Variants in PNMA8B observed in about 807,000 individuals in gnomAD.
The protein encoded by PNMA8B is paraneoplastic antigen-like protein 8B.
For synonymous variants in PNMA8B, 386 were observed against 394.9 expected, an observed-to-expected ratio of 0.98 and a Z score of 0.27; for missense variants, 887 against 885.8, an observed-to-expected ratio of 1.00 and a Z score of -0.02.
In PNMA8B at chr19:46,492,062, C is replaced by A; in HGVS notation, c.*1496G>T. On this transcript the variant is annotated 3_prime_UTR_variant, in exon 1 of 1. Coordinates refer to ENST00000599531, the MANE Select transcript of PNMA8B (RefSeq NM_020709.3). ...AGCAGAGGGGAGCACCCACGCCCTGCAGCAGGTCTCAGTCAGCTTCTACAT... is the reference window on the plus strand; with the variant it reads ...AGCAGAGGGGAGCACCCACGCCCTGAAGCAGGTCTCAGTCAGCTTCTACAT... The A allele has an allele frequency of 2.9e-6, 1 of 344,392 alleles. No individual in the cohort carries two copies. The highest frequency in any genetic ancestry group is 6.1e-6 in the Non-Finnish European group (1 of 164,102). The allele number at this position is 344,392 out of a possible 1,614,324, so 21.3% of individuals were successfully genotyped here. A position where few individuals can be genotyped will look rare whatever the true frequency, so the allele number is the denominator to read the frequency against.
At position 46,493,503 on chromosome 19, in the gene PNMA8B, C is replaced by G. The variant is rs1438865940; in HGVS notation, c.*55G>C. ...GGGAGGGGAGGGCGGGGGCCACAGG[C>G]GGGCGGGTGCCCTGCGGGGCCTGCT... On this transcript the variant is annotated 3_prime_UTR_variant, in exon 1 of 1. Coordinates refer to ENST00000599531, the MANE Select transcript of PNMA8B (RefSeq NM_020709.3). The surrounding 1 kb of genome is among the most constrained non-coding windows in gnomAD (Gnocchi z 5.3). 9.4e-7 allele frequency: 1 copy of G among 1,060,064 alleles called. No individual in the cohort carries two copies. Among genetic ancestry groups the G allele is most frequent in the Non-Finnish European group, 1.2e-6 (1 of 846,150 alleles). The allele number at this position is 1,060,064 out of a possible 1,614,324, so 65.7% of individuals were successfully genotyped here. A position where few individuals can be genotyped will look rare whatever the true frequency, so the allele number is the denominator to read the frequency against.
rs1970059932 is a variant in PNMA8B at position 46,494,470 on chromosome 19, G to T, written c.996C>A (p.Phe332Leu). 2 of 1,614,026 alleles carry T rather than the reference G, an allele frequency of 1.2e-6. No individual in the cohort carries two copies. The highest frequency in any genetic ancestry group is 1.7e-6 in the Non-Finnish European group (2 of 1,179,908). Residue 332 changes from phenylalanine (F) to leucine (L), a missense_variant, in exon 1 of 1, where the codon TTC becomes TTA. Transcript: ENST00000599531. ...QETEELDNPE[F>L]VAIVAYTDPS... ...GGTCGGTATAGGCCACAATGGCCAC[G>T]AACTCAGGATTATCCAACTCCTCTG...
rs929309386 is a variant in PNMA8B at position 46,492,358 on chromosome 19, C to T, written c.*1200G>A. On this transcript the variant is annotated 3_prime_UTR_variant, in exon 1 of 1. Coordinates refer to ENST00000599531, the MANE Select transcript of PNMA8B (RefSeq NM_020709.3). The stretch of plus-strand genomic sequence containing the variant: ...AGGAGCTGAAGCATACGGCACGGCA[C>T]GGCACAGACTCACATACAACTCAAG... The T allele has an allele frequency of 1.5e-5, 4 of 268,468 alleles. No individual in the cohort carries two copies. Among genetic ancestry groups the T allele is most frequent in the South Asian group, 6.1e-5 (2 of 32,892 alleles). The allele number at this position is 268,468 out of a possible 1,614,324, so 16.6% of individuals were successfully genotyped here. A position where few individuals can be genotyped will look rare whatever the true frequency, so the allele number is the denominator to read the frequency against.
rs1034378365 is a variant in PNMA8B at position 46,493,406 on chromosome 19, C to T, written c.*152G>A. ...GGCCTGCGAGGGCCCGAGAGGGGAACGTGACGCTGGCAAAACGCGGCCCGG... is the reference window on the plus strand; with the variant it reads ...GGCCTGCGAGGGCCCGAGAGGGGAATGTGACGCTGGCAAAACGCGGCCCGG... On this transcript the variant is annotated 3_prime_UTR_variant, in exon 1 of 1. Transcript: ENST00000599531. The surrounding 1 kb of genome is among the most constrained non-coding windows in gnomAD (Gnocchi z 5.3). 2.2e-6 allele frequency: 1 copy of T among 463,608 alleles called. No individual in the cohort carries two copies. Among genetic ancestry groups the T allele is most frequent in the African/African-American group, 2.1e-5 (1 of 48,612 alleles). 28.7% of individuals were successfully genotyped at this position (463,608 alleles called of 1,614,324 possible). A position where few individuals can be genotyped will look rare whatever the true frequency, so the allele number is the denominator to read the frequency against.
rs1010238771 is a variant in PNMA8B at position 46,493,381 on chromosome 19, G to A, written c.*177C>T. On this transcript the variant is annotated 3_prime_UTR_variant, in exon 1 of 1. Coordinates refer to ENST00000599531, the MANE Select transcript of PNMA8B (RefSeq NM_020709.3). The surrounding 1 kb of genome is among the most constrained non-coding windows in gnomAD (Gnocchi z 5.3). ...CTCCGTCGGGATCGCTGGCGCCCCCGGCCTGCGAGGGCCCGAGAGGGGAAC... is the reference window on the plus strand; with the variant it reads ...CTCCGTCGGGATCGCTGGCGCCCCCAGCCTGCGAGGGCCCGAGAGGGGAAC... The A allele has an allele frequency of 2.4e-6, 1 of 422,324 alleles. No individual in the cohort carries two copies. Among genetic ancestry groups the A allele is most frequent in the Admixed American group, 4.4e-5 (1 of 22,634 alleles). The allele number at this position is 422,324 out of a possible 1,614,324, so 26.2% of individuals were successfully genotyped here. A position where few individuals can be genotyped will look rare whatever the true frequency, so the allele number is the denominator to read the frequency against.
At position 46,492,346 on chromosome 19, in the gene PNMA8B, T is replaced by TACGGC. The variant is rs969748365; in HGVS notation, c.*1207_*1211dup. On this transcript the variant is annotated 3_prime_UTR_variant, in exon 1 of 1. Transcript: ENST00000599531. ...AGCCGGGGTTGCAGGAGCTGAAGCA[T>TACGGC]ACGGCACGGCACGGCACAGACTCAC... 16 of 281,660 alleles carry TACGGC rather than the reference T, an allele frequency of 5.7e-5. No homozygotes were observed. Among genetic ancestry groups the TACGGC allele is most frequent in the Non-Finnish European group, 5.2e-5 (7 of 135,520 alleles). 17.4% of individuals were successfully genotyped at this position (281,660 alleles called of 1,614,324 possible).
Position 46,492,192 on chromosome 19 carries a change from C to A in PNMA8B, c.*1366G>T. ...GGACAAGTGGGGCAGGGCCCCCTGG[C>A]ACGATGGGCTCCTCACTGCCAGGGA... On this transcript the variant is annotated 3_prime_UTR_variant, in exon 1 of 1. Transcript: ENST00000599531. The A allele has an allele frequency of 2.4e-6, 1 of 409,302 alleles. No homozygotes were observed. 25.4% of individuals were successfully genotyped at this position (409,302 alleles called of 1,614,324 possible). A position where few individuals can be genotyped will look rare whatever the true frequency, so the allele number is the denominator to read the frequency against.
In PNMA8B at chr19:46,494,178, C is replaced by G. The variant is rs779093120; in HGVS notation, c.1288G>C (p.Ala430Pro). ...QPDLPPQAKK[A>P]GRGLFGGWSE... ...CAGCCCCCGAAGAGGCCACGCCCAG[C>G]CTTCTTCGCCTGGGGAGGGAGATCC... The change falls in exon 1 of 1, where the codon GCT becomes CCT. Residue 430 changes from alanine to proline, a missense_variant. Ala to Pro is a conservative substitution (Grantham distance 27). Coordinates refer to ENST00000599531, the MANE Select transcript of PNMA8B (RefSeq NM_020709.3). 6.2e-7 allele frequency: 1 copy of G among 1,609,930 alleles called. No individual in the cohort carries two copies. The highest frequency in any genetic ancestry group is 1.1e-5 in the South Asian group (1 of 91,088).
rs1406584527 is a variant in PNMA8B, at chr19:46,495,660, G to A, written c.-195C>T. 9.0e-6 allele frequency: 6 copies of A among 663,398 alleles called. No homozygotes were observed. The African/African-American group carries it at 9.1e-5, about 10-fold the overall frequency. 41.1% of individuals were successfully genotyped at this position (663,398 alleles called of 1,614,324 possible). On this transcript the variant is annotated 5_prime_UTR_variant, in exon 1 of 1. Transcript: ENST00000599531. ...TGCCTGCTGGCCGGCTGGACGCAGTGACCTTCCCCCGGGACCCCTCTCCAG... is the reference window on the plus strand; with the variant it reads ...TGCCTGCTGGCCGGCTGGACGCAGTAACCTTCCCCCGGGACCCCTCTCCAG...
rs1430912117 is a variant in PNMA8B at position 46,495,704 on chromosome 19, G to A, written c.-239C>T. On this transcript the variant is annotated 5_prime_UTR_variant, in exon 1 of 1. Coordinates refer to ENST00000599531, the MANE Select transcript of PNMA8B (RefSeq NM_020709.3). ...TCTCCAGAGCTGTCTGAGGATCCGCGGGGGGCTTACGTGTCTGCTTTCCAG... is the reference window on the plus strand; with the variant it reads ...TCTCCAGAGCTGTCTGAGGATCCGCAGGGGGCTTACGTGTCTGCTTTCCAG... The A allele has an allele frequency of 4.2e-5, 23 of 541,528 alleles. No individual in the cohort carries two copies. The highest frequency in any genetic ancestry group is 1.0e-5 in the Non-Finnish European group (3 of 296,064). The allele number at this position is 541,528 out of a possible 1,614,324, so 33.5% of individuals were successfully genotyped here. A position where few individuals can be genotyped will look rare whatever the true frequency, so the allele number is the denominator to read the frequency against.
rs1178941998 is a variant in PNMA8B, at chr19:46,492,159, C to G, written c.*1399G>C. Reference sequence around the variant, plus strand: ...AGGTCACACCCAAACCCTCCTATTCCTTCCCAGGGACAAGTGGGGCAGGGC... The same window carrying G: ...AGGTCACACCCAAACCCTCCTATTCGTTCCCAGGGACAAGTGGGGCAGGGC... On this transcript the variant is annotated 3_prime_UTR_variant, in exon 1 of 1. Coordinates refer to ENST00000599531, the MANE Select transcript of PNMA8B (RefSeq NM_020709.3). The G allele has an allele frequency of 2.3e-6, 1 of 441,220 alleles. No individual in the cohort carries two copies. Among genetic ancestry groups the G allele is most frequent in the Admixed American group, 2.4e-5 (1 of 41,234 alleles). The allele number at this position is 441,220 out of a possible 1,614,324, so 27.3% of individuals were successfully genotyped here.
At position 46,494,485 on chromosome 19, in the gene PNMA8B, C is replaced by A; in HGVS notation, c.981G>T (p.Leu327Phe). The A allele has an allele frequency of 6.2e-7, 1 of 1,614,072 alleles. No homozygotes were observed. The highest frequency in any genetic ancestry group is 8.5e-7 in the Non-Finnish European group (1 of 1,179,902). Residue 327 changes from leucine to phenylalanine, a missense_variant, in exon 1 of 1, where the codon TTG becomes TTT. Transcript: ENST00000599531. ...QESGDQETEELDNPEFVAIVA... is the reference protein window; with the variant it reads ...QESGDQETEEFDNPEFVAIVA... Reference sequence around the variant, plus strand: ...CAATGGCCACGAACTCAGGATTATCCAACTCCTCTGTTTCTTGGTCCCCAC... The same window carrying A: ...CAATGGCCACGAACTCAGGATTATCAAACTCCTCTGTTTCTTGGTCCCCAC...
rs1970033429 is a variant in PNMA8B, at chr19:46,493,390, G to C, written c.*168C>G. 2.3e-6 allele frequency: 1 copy of C among 432,790 alleles called. No homozygotes were observed. Among genetic ancestry groups the C allele is most frequent in the East Asian group, 3.6e-5 (1 of 28,078 alleles). 26.8% of individuals were successfully genotyped at this position (432,790 alleles called of 1,614,324 possible). On this transcript the variant is annotated 3_prime_UTR_variant, in exon 1 of 1. Transcript: ENST00000599531. The surrounding 1 kb of genome is among the most constrained non-coding windows in gnomAD (Gnocchi z 5.3). ...GATCGCTGGCGCCCCCGGCCTGCGA[G>C]GGCCCGAGAGGGGAACGTGACGCTG...
chr19:46,492,325 G>C lies in PNMA8B; in HGVS notation c.*1233C>G, dbSNP rs1412557338. 3.6e-6 allele frequency: 1 copy of C among 280,922 alleles called. No homozygotes were observed. The highest frequency in any genetic ancestry group is 2.2e-5 in the African/African-American group (1 of 44,780). The allele number at this position is 280,922 out of a possible 1,614,324, so 17.4% of individuals were successfully genotyped here. On this transcript the variant is annotated 3_prime_UTR_variant, in exon 1 of 1. Coordinates refer to ENST00000599531, the MANE Select transcript of PNMA8B (RefSeq NM_020709.3). ...ATTTAGGTAAAAATCGAGCTCAGCC[G>C]GGGTTGCAGGAGCTGAAGCATACGG...
In PNMA8B at chr19:46,493,850, C is replaced by G; in HGVS notation, c.1616G>C (p.Arg539Pro). Residue 539 changes from arginine to proline, a missense_variant, in exon 1 of 1, where the codon CGC becomes CCC. Physicochemically the swap from Arg to Pro is moderately radical, Grantham distance 103. Transcript: ENST00000599531. The surrounding 1 kb of genome is among the most constrained non-coding windows in gnomAD (Gnocchi z 5.3). The stretch of plus-strand genomic sequence containing the variant: ...CGGAGTCAGGCCCCTGGGGGCCGTG[C>G]GCGCCCTCTTGGCCCGGGGCTTCCT... ...ASRKPRAKRA[R>P]TAPRGLTPAG... 1 of 1,481,374 alleles carries G rather than the reference C, an allele frequency of 6.8e-7. No individual in the cohort carries two copies. The highest frequency in any genetic ancestry group is 8.9e-7 in the Non-Finnish European group (1 of 1,121,384). 91.8% of individuals were successfully genotyped at this position (1,481,374 alleles called of 1,614,324 possible).
At position 46,494,434 on chromosome 19, in the gene PNMA8B, G is replaced by C. The variant is rs537045438; in HGVS notation, c.1032C>G (p.Pro344=). ...AIVAYTDPSD[P]WAREEMLKIA... is the part of the protein sequence containing the mutation. ...TTTTCAACATCTCCTCCCGGGCCCA[G>C]GGGTCCGACGGGTCGGTATAGGCCA... The change falls in exon 1 of 1, where the codon CCC becomes CCG. Residue 344 remains proline (P), a synonymous_variant. Transcript: ENST00000599531. 1 of 1,613,968 alleles carries C rather than the reference G, an allele frequency of 6.2e-7. No homozygotes were observed. Among genetic ancestry groups the C allele is most frequent in the Admixed American group, 1.7e-5 (1 of 60,030 alleles).
rs1970036885 is a variant in PNMA8B, at chr19:46,493,540, C to T, written c.*18G>A. ...CTGCGGGGCCTGCTCGCAGCCTGGG[C>T]GGCTTCTTGGGGGGCCACTAGCGGC... is the stretch of plus-strand genomic sequence containing the variant. On this transcript the variant is annotated 3_prime_UTR_variant, in exon 1 of 1. Coordinates refer to ENST00000599531, the MANE Select transcript of PNMA8B (RefSeq NM_020709.3). The surrounding 1 kb of genome is among the most constrained non-coding windows in gnomAD (Gnocchi z 5.3). 4 of 1,333,622 alleles carry T rather than the reference C, an allele frequency of 3.0e-6. No individual in the cohort carries two copies. The East Asian group carries it at 1.2e-4, about 40-fold the overall frequency. The allele number at this position is 1,333,622 out of a possible 1,614,324, so 82.6% of individuals were successfully genotyped here.
In PNMA8B at chr19:46,495,031, C is replaced by G; in HGVS notation, c.435G>C (p.Gly145=). 2 of 1,610,218 alleles carry G rather than the reference C, an allele frequency of 1.2e-6. No homozygotes were observed. Among genetic ancestry groups the G allele is most frequent in the Non-Finnish European group, 1.7e-6 (2 of 1,179,854 alleles). ...CTGCCCCAAGAAGCGAGCCAGCCTG[C>G]CCTGTTACCTCCCCAGAATCCTGGG... ...TQAQDSGEVT[G]QAGSLLGAAR... Residue 145 remains glycine (G), a synonymous_variant, in exon 1 of 1, where the codon GGG becomes GGC. Coordinates refer to ENST00000599531, the MANE Select transcript of PNMA8B (RefSeq NM_020709.3).
chr19:46,494,244 C>A lies in PNMA8B; in HGVS notation c.1222G>T (p.Asp408Tyr), dbSNP rs780067607. Reference protein sequence around the residue: ...DAVVLRKAGDDGDLRECISTL... With the variant: ...DAVVLRKAGDYGDLRECISTL... ...GAAATGCACTCCCGGAGGTCCCCGT[C>A]ATCCCCGGCCTTGCGCAGGACCACG... Residue 408 changes from aspartate (D) to tyrosine (Y), a missense_variant, in exon 1 of 1, where the codon GAC becomes TAC. Transcript: ENST00000599531. 17 of 1,609,492 alleles carry A rather than the reference C, an allele frequency of 1.1e-5. No individual in the cohort carries two copies. The highest frequency in any genetic ancestry group is 3.3e-4 in the Middle Eastern group (2 of 6,082).
Sources: gnomAD v4.1 joint callset for allele counts on GRCh38, gnomAD v4.1.1 for gene constraint, Gnocchi (gnomAD v3.1) non-coding constraint, MANE v1.5 for transcripts, NCBI Gene and HGNC (gene_info 2026-07-23, HGNC 2026-07-21) for gene names.